The following OTOF variants were observed in gnomAD, a reference collection of about 807,000 sequenced individuals.
The protein encoded by OTOF is otoferlin, also known as fer-1-like family member 2.
In OTOF, 218 loss-of-function variants were observed where a neutral mutation model predicts 236.8. The ratio of observed to expected loss-of-function variants is 0.92; its 90% CI spans 0.82 to 1.03. The LOEUF is 1.03. OTOF is among the 50% of genes least tolerant of loss of function. The probability of loss-of-function intolerance (pLI) is 0.00; values close to 1 mark genes in which losing one functional copy is unlikely to be tolerated. For synonymous variants in OTOF, 1,041 were observed against 1,072.5 expected (o/e 0.97, Z 0.57); for missense variants, 2,590 against 2,694.4 (o/e 0.96, Z 0.86).
intron 9 of OTOF, among the ~76,000 whole-genome samples, chr2:26,493,275 G>C (rs1353229319): frequency 6.6e-6 from 1 of 152,104 alleles, no homozygotes; most frequent in African/African-American, 2.4e-5. Flanking sequence ...GGTGGGCCTG[G>C]GTTTTCTTCC....
intron 9 of OTOF, among the ~76,000 whole-genome samples, chr2:26,492,947 C>A (rs1181056956): frequency 6.6e-6 from 1 of 152,240 alleles, no homozygotes; most frequent in East Asian, 1.9e-4. Flanking sequence ...TGAATGAAAG[C>A]CAAGGTGTGT....
In OTOF at chr2:26,479,189, GT is replaced by G. The variant is rs10714255; in HGVS notation, c.2214+74del. ...CCCCCTGGGCAGACCAGCTTTGTGT[GT>G]TCCAGGGAAGGCCCTCTGACAGCGC... On this transcript the variant is annotated intron_variant, in intron 18 of 46. Coordinates refer to ENST00000272371, the MANE Select transcript of OTOF (RefSeq NM_194248.3). 0.42 allele frequency: 663,921 copies of G among 1,575,372 alleles called. 146,556 individuals carry two copies. Among genetic ancestry groups the G allele is most frequent in the East Asian group, 0.83 (36,474 of 44,068 alleles).
intron 9 of OTOF, among the ~76,000 whole-genome samples, chr2:26,494,718 C>T (rs1222714524): frequency 6.6e-6 from 1 of 151,922 alleles, no homozygotes; most frequent in Non-Finnish European, 1.5e-5. Flanking sequence ...GTGGTGTACG[C>T]TTCAAAGACC....
chr2:26,499,956 G>A (rs1012579023), intron 8 of OTOF, among the ~76,000 whole-genome samples: 4 of 152,178 alleles, frequency 2.6e-5, no homozygotes, highest in South Asian at 2.1e-4. Context: ...TGTTCAGTTC[G>A]GTTTAAAAAG....
In OTOF at chr2:26,477,959, C is replaced by G. The variant is rs1384410595; in HGVS notation, c.2215-210G>C. ...GGAGATGTTGGTGTTCATGGGGGTT[C>G]TTCAGTTCCTGAAGGAAGAAGCCAC... On this transcript the variant is annotated intron_variant, in intron 18 of 46. Coordinates refer to ENST00000272371, the MANE Select transcript of OTOF (RefSeq NM_194248.3). The surrounding 1 kb of genome is among the most constrained non-coding windows in gnomAD (Gnocchi z 4.7). The G allele has an allele frequency of 6.8e-7, 1 of 1,468,730 alleles. No individual in the cohort carries two copies. Among genetic ancestry groups the G allele is most frequent in the Non-Finnish European group, 9.0e-7 (1 of 1,111,474 alleles). The allele number at this position is 1,468,730 out of a possible 1,614,324, so 91.0% of individuals were successfully genotyped here.
At position 26,462,029 on chromosome 2, in the gene OTOF, G is replaced by A. The variant is rs929359961; in HGVS notation, c.5291+54C>T. The A allele has an allele frequency of 1.8e-5, 29 of 1,611,336 alleles. No homozygotes were observed. Among genetic ancestry groups the A allele is most frequent in the East Asian group, 4.5e-5 (2 of 44,848 alleles). On this transcript the variant is annotated intron_variant, in intron 42 of 46. Transcript: ENST00000272371. The surrounding 1 kb of genome is among the most constrained non-coding windows in gnomAD (Gnocchi z 4.7). The stretch of plus-strand genomic sequence containing the variant: ...CCCTCTGCCTCCTCTCCTGCCCCCC[G>A]GGAAGCAAGCCCCACCCAGCTCAGT...
chr2:26,479,364 T>C lies in OTOF; in HGVS notation c.2114A>G (p.Tyr705Cys). The C allele has an allele frequency of 6.2e-7, 1 of 1,612,700 alleles. No individual in the cohort carries two copies. Among genetic ancestry groups the C allele is most frequent in the Non-Finnish European group, 8.5e-7 (1 of 1,179,930 alleles). The change falls in exon 18 of 47, where the codon TAC becomes TGC. Residue 705 changes from tyrosine (Y) to cysteine (C), a missense_variant. This residue lies in a region of OTOF where 1,379 missense variants were observed against 1,341.6 expected (regional missense o/e 1.03). Transcript: ENST00000272371. Reference sequence around the variant, plus strand: ...GTAGATGCAGGGCTTTCGCTCCAGGTAGGGCAGATGGAAGTAGTTCCTGGG... The same window carrying C: ...GTAGATGCAGGGCTTTCGCTCCAGGCAGGGCAGATGGAAGTAGTTCCTGGG... Reference protein sequence around the residue: ...VTDRNYFHLPYLERKPCIYIK... With the variant: ...VTDRNYFHLPCLERKPCIYIK...
At chr2:26,556,764 C>A (rs72815293) in intron 1 of OTOF, among the ~76,000 whole-genome samples, 25,395 of 152,200 alleles carry the variant, frequency 0.17, 2,227 homozygotes, top group African/African-American at 0.19. Flanking sequence ...TGTTCTACCC[C>A]TGAACCTTGG....
chr2:26,553,542 A>G (rs1246081355), intron 1 of OTOF, among the ~76,000 whole-genome samples: 1 of 151,970 alleles, frequency 6.6e-6, no homozygotes, highest in African/African-American at 2.4e-5. Flanking sequence ...CTCTGTGTGT[A>G]TGTTTCTTCT....
intron 1 of OTOF, among the ~76,000 whole-genome samples, chr2:26,550,360 C>T (rs1667430535): frequency 6.6e-6 from 1 of 151,980 alleles, no homozygotes; most frequent in African/African-American, 2.4e-5. Flanking sequence ...TGGCTGGCTG[C>T]AGGGGGGCCC....
intron 1 of OTOF, among the ~76,000 whole-genome samples, chr2:26,548,605 A>T (rs1022888119): frequency 1.3e-5 from 2 of 152,228 alleles, no homozygotes; most frequent in African/African-American, 4.8e-5. Context: ...GACCACTTGG[A>T]TATACAACAG....
At chr2:26,512,778 A>G (rs370134882) in intron 5 of OTOF, among the ~76,000 whole-genome samples, 2 of 152,144 alleles carry the variant, frequency 1.3e-5, no homozygotes, top group East Asian at 1.9e-4. Flanking sequence ...TCAGGGTAAC[A>G]TGGAGTCAGT....
intron 3 of OTOF, among the ~76,000 whole-genome samples, chr2:26,522,981 G>C (rs1325849734): frequency 3.9e-5 from 6 of 152,270 alleles, no homozygotes; most frequent in Non-Finnish European, 8.8e-5. Flanking sequence ...GGCAGGAAAA[G>C]GCCTCCAGCC....
chr2:26,516,612 A>G lies in OTOF; in HGVS notation c.328-13T>C. On this transcript the variant is annotated splice_polypyrimidine_tract_variant and intron_variant, in intron 4 of 46. Coordinates refer to ENST00000272371, the MANE Select transcript of OTOF (RefSeq NM_194248.3). ...CGCACAGGCTGGTCTGAAGGGAGGG[A>G]GGCGGTGGTGAGCAGCTGGGATGGT... The G allele has an allele frequency of 6.2e-7, 1 of 1,602,226 alleles. No homozygotes were observed. The highest frequency in any genetic ancestry group is 8.5e-7 in the Non-Finnish European group (1 of 1,179,882).
chr2:26,502,214 TC>T, intron 7 of OTOF, 85 bp downstream of exon 7: 1 of 1,467,172 alleles, frequency 6.8e-7, no homozygotes, highest in South Asian at 1.2e-5. Flanking sequence ...CCCTGATTCT[TC>T]CCTACCCAAA....
chr2:26,540,951 G>A (rs973192879), intron 1 of OTOF, among the ~76,000 whole-genome samples: 15 of 152,236 alleles, frequency 9.9e-5, no homozygotes, highest in African/African-American at 3.1e-4. Context: ...GAGGGAAAGT[G>A]CCTGAGGTTT....
At chr2:26,483,257 C>T (rs1012281549) in intron 13 of OTOF, among the ~76,000 whole-genome samples, 15 of 152,058 alleles carry the variant, frequency 9.9e-5, no homozygotes, top group African/African-American at 3.6e-4. Flanking sequence ...CCCACACCCC[C>T]AGCCTCTCCT....
At chr2:26,506,629 A>G (rs1666255154) in intron 5 of OTOF, among the ~76,000 whole-genome samples, 1 of 152,242 alleles carries the variant, frequency 6.6e-6, no homozygotes, top group Admixed American at 6.5e-5. Flanking sequence ...TGGGGCACTT[A>G]TGGCCCTTGA....
intron 14 of OTOF, 31 bp from the exon 15 acceptor site, chr2:26,481,040 A>G: frequency 6.5e-7 from 1 of 1,536,770 alleles, no homozygotes; most frequent in East Asian, 2.3e-5. Flanking sequence ...ATGAGGGGGC[A>G]GCGTCACATC....
Sources: allele counts gnomAD v4.1 joint callset (sites outside exome capture counted in the v4.1 genomes callset), GRCh38; gene constraint gnomAD v4.1.1; regional missense constraint gnomAD v4.1.1; non-coding constraint Gnocchi (gnomAD v3.1); transcripts MANE v1.5; gene names NCBI Gene and HGNC (gene_info 2026-07-23, HGNC 2026-07-21).